DIP2C: variants seen among roughly 807,000 people sequenced by gnomAD.
DIP2C encodes disco-interacting protein 2 homolog C.
A neutral mutation model predicts 192.4 loss-of-function variants in DIP2C; 33 were observed. That is an observed-to-expected ratio of 0.17 (90% CI 0.13 to 0.23). DIP2C has a LOEUF of 0.23. DIP2C is among the 10% of genes least tolerant of loss of function. The probability of loss-of-function intolerance (pLI) is 1.00; values close to 1 mark genes in which losing one functional copy is unlikely to be tolerated. For missense variants in DIP2C, 1,537 were observed against 2,110.1 expected, an observed-to-expected ratio of 0.73 and a Z score of 5.32; for synonymous variants, 979 against 864.1, an observed-to-expected ratio of 1.13 and a Z score of -2.33.
At chr10:621,571 A>G (rs1318478733) in intron 1 of DIP2C, among the ~76,000 whole-genome samples, 1 of 152,202 alleles carries the variant, frequency 6.6e-6, no homozygotes, top group Non-Finnish European at 1.5e-5. Flanking sequence ...ACAGAGAGGA[A>G]GAGGAGGAGG....
intron 36 of DIP2C, among the ~76,000 whole-genome samples, chr10:278,803 T>C (rs1470962871): frequency 6.6e-6 from 1 of 152,206 alleles, no homozygotes; most frequent in Non-Finnish European, 1.5e-5. Flanking sequence ...TAATGGCTTT[T>C]GGAACTAACT....
chr10:577,080 A>G (rs375137477), intron 1 of DIP2C, among the ~76,000 whole-genome samples: 1 of 152,198 alleles, frequency 6.6e-6, no homozygotes, highest in South Asian at 2.1e-4. Context: ...TTACATTTGA[A>G]CACACCTCAA....
At chr10:479,691 G>C (rs1197095361) in intron 2 of DIP2C, among the ~76,000 whole-genome samples, 1 of 152,086 alleles carries the variant, frequency 6.6e-6, no homozygotes, top group Admixed American at 6.6e-5. Flanking sequence ...CCACACATCA[G>C]TATATATTTG....
intron 1 of DIP2C, among the ~76,000 whole-genome samples, chr10:507,378 G>C (rs1386016606): frequency 6.6e-6 from 1 of 151,774 alleles, no homozygotes; most frequent in South Asian, 2.1e-4. Flanking sequence ...GCTGTGCGAG[G>C]TTACAGACCT....
At chr10:383,178 C>A (rs1440678226) in intron 16 of DIP2C, among the ~76,000 whole-genome samples, 1 of 152,154 alleles carries the variant, frequency 6.6e-6, no homozygotes, top group Admixed American at 6.5e-5. Flanking sequence ...ATATACTTTT[C>A]TTTATGCAAG....
intron 1 of DIP2C, among the ~76,000 whole-genome samples, chr10:559,619 C>A (rs1849091695): frequency 6.6e-6 from 1 of 152,184 alleles, no homozygotes; most frequent in Non-Finnish European, 1.5e-5. Context: ...GCCTTCCTAC[C>A]TCCCCAAAGG....
chr10:388,697 G>C (rs1032013660), intron 13 of DIP2C, among the ~76,000 whole-genome samples: 1 of 152,224 alleles, frequency 6.6e-6, no homozygotes, highest in African/African-American at 2.4e-5. Flanking sequence ...AGACACACAC[G>C]CTGTTTTTAA....
chr10:610,285 G>A (rs1340859568), intron 1 of DIP2C, among the ~76,000 whole-genome samples: 1 of 152,192 alleles, frequency 6.6e-6, no homozygotes, highest in African/African-American at 2.4e-5. Context: ...GCCAAAAGTA[G>A]GTGGTCAGCA....
chr10:534,670 TA>T (rs79631277), intron 1 of DIP2C, among the ~76,000 whole-genome samples: 34,523 of 145,386 alleles, frequency 0.24, 5,220 homozygotes, highest in Non-Finnish European at 0.33. Flanking sequence ...GGATGATTAT[TA>T]TTTTTTTTTT....
chr10:328,732 T>C (rs968226105), intron 30 of DIP2C, among the ~76,000 whole-genome samples: 3 of 152,214 alleles, frequency 2.0e-5, no homozygotes, highest in African/African-American at 7.2e-5. Context: ...GATCTCTGTG[T>C]AGATGACAGA....
In DIP2C at chr10:381,291, A is replaced by G. The variant is rs78495688; in HGVS notation, c.1991+1356T>C. ...GATAACGACATAAAAAGACAGTCTT[A>G]ATGAGACTGAGTGATGGAGGGGCAG... On this transcript the variant is annotated intron_variant, in intron 17 of 36. Transcript: ENST00000280886. Among the ~76,000 whole-genome samples, 925 of 152,330 alleles carry G rather than the reference A, an allele frequency of 6.1e-3. 4 individuals are homozygous for G. Among genetic ancestry groups the G allele is most frequent in the Middle Eastern group, 0.014 (4 of 294 alleles).
At chr10:483,854 TC>T (rs1377002118) in intron 2 of DIP2C, among the ~76,000 whole-genome samples, 1 of 151,918 alleles carries the variant, frequency 6.6e-6, no homozygotes, top group Non-Finnish European at 1.5e-5. Flanking sequence ...TCTCGCTCTG[TC>T]CCCCAGGCTG....
chr10:674,813 G>A (rs1479506259), intron 1 of DIP2C, among the ~76,000 whole-genome samples: 1 of 144,090 alleles, frequency 6.9e-6, no homozygotes, highest in Non-Finnish European at 1.5e-5. Flanking sequence ...GAGAGAGAGA[G>A]AGAGAGAGAG....
rs1411129102 is a variant in DIP2C, at chr10:651,391, G to C, written c.85+38103C>G. 2.9e-6 allele frequency: 2 copies of C among 700,412 alleles called. No individual in the cohort carries two copies. The highest frequency in any genetic ancestry group is 5.2e-6 in the Non-Finnish European group (2 of 383,882). The allele number at this position is 700,412 out of a possible 1,614,324, so 43.4% of individuals were successfully genotyped here. On this transcript the variant is annotated intron_variant, in intron 1 of 36. Coordinates refer to ENST00000280886, the MANE Select transcript of DIP2C (RefSeq NM_014974.3). The surrounding 1 kb of genome is among the most constrained non-coding windows in gnomAD (Gnocchi z 4.1). ...GGTCCCAGGGAGGCCCCAGCAAACT[G>C]TGGAACAACCAAACTCGTGACTGAA...
intron 1 of DIP2C, among the ~76,000 whole-genome samples, chr10:622,394 A>AGGGG (rs1853927626): frequency 1.0e-4 from 1 of 9,626 alleles, no homozygotes; most frequent in East Asian, 3.3e-3. Context: ...GGGAGGGAGG[A>AGGGG]GGGGGAGGGA....
At chr10:302,783 A>G (rs931035088) in intron 32 of DIP2C, among the ~76,000 whole-genome samples, 3 of 152,238 alleles carry the variant, frequency 2.0e-5, no homozygotes, top group Non-Finnish European at 4.4e-5. Context: ...CATGCTGTGA[A>G]AAGATAAAAA....
chr10:341,432 G>A, intron 28 of DIP2C, 103 bp from the exon 29 acceptor site: 1 of 1,515,092 alleles, frequency 6.6e-7, no homozygotes, highest in Admixed American at 1.7e-5. Context: ...GAACGCATCG[G>A]ACCTGACACC....
Position 415,757 on chromosome 10 carries a change from G to C in DIP2C, c.859+12C>G. On this transcript the variant is annotated intron_variant, in intron 7 of 36. Transcript: ENST00000280886. ...GCATCTGGAAGAAACGTGTGGTAAA[G>C]AGTTCTCTCACCTTCTAATAATTCT... 1 of 1,613,838 alleles carries C rather than the reference G, an allele frequency of 6.2e-7. No homozygotes were observed. The highest frequency in any genetic ancestry group is 8.5e-7 in the Non-Finnish European group (1 of 1,179,844).
chr10:526,696 G>C (rs1409132924), intron 1 of DIP2C, among the ~76,000 whole-genome samples: 4 of 152,192 alleles, frequency 2.6e-5, no homozygotes, highest in Admixed American at 6.5e-5. Flanking sequence ...GTCCACACTG[G>C]TGGCTTTAAC....
Sources: gnomAD v4.1 joint callset for allele counts (sites outside exome capture counted in the v4.1 genomes callset) on GRCh38, gnomAD v4.1.1 for gene constraint, Gnocchi (gnomAD v3.1) non-coding constraint, MANE v1.5 for transcripts, NCBI Gene and HGNC (gene_info 2026-07-23, HGNC 2026-07-21) for gene names.